Variants in PTPRG observed in about 807,000 individuals in gnomAD.
The protein encoded by PTPRG is protein tyrosine phosphatase receptor type G.
Under a neutral mutation model 165.3 loss-of-function variants are expected in PTPRG, and 102 were observed. The observed-to-expected ratio is 0.62, with a 90% CI of 0.53 to 0.73. PTPRG has a LOEUF of 0.73. Among genes scored for constraint, PTPRG ranks in the 30% least tolerant of loss-of-function variants. The pLI is 0.00. For synonymous variants in PTPRG, 675 were observed against 669.5 expected (o/e 1.01, Z -0.13); for missense variants, 1,866 against 1,861.4 (o/e 1.00, Z -0.05).
At chr3:61,950,221 C>A (rs1362739330) in intron 2 of PTPRG, among the ~76,000 whole-genome samples, 2 of 152,288 alleles carry the variant, frequency 1.3e-5, no homozygotes, top group East Asian at 3.9e-4. Context: ...TGTCTTTCCT[C>A]ACATTCTTTT....
intron 14 of PTPRG, among the ~76,000 whole-genome samples, chr3:62,236,073 G>C (rs1314263751): frequency 6.6e-6 from 1 of 152,220 alleles, no homozygotes; most frequent in Non-Finnish European, 1.5e-5. Flanking sequence ...CCTTCCGGAA[G>C]AGATACTACA....
At chr3:62,028,364 G>A (rs894998802) in intron 4 of PTPRG, among the ~76,000 whole-genome samples, 17 of 152,104 alleles carry the variant, frequency 1.1e-4, no homozygotes, top group Admixed American at 1.0e-3. Flanking sequence ...TTCTAGGAGA[G>A]GAGTGATTCT....
chr3:61,949,505 A>C (rs2039844767), intron 2 of PTPRG, among the ~76,000 whole-genome samples: 1 of 152,158 alleles, frequency 6.6e-6, no homozygotes, highest in South Asian at 2.1e-4. Context: ...TATGTGCCAC[A>C]TGCCTCAATG....
chr3:61,925,058 A>G (rs2039173903), intron 2 of PTPRG, among the ~76,000 whole-genome samples: 2 of 147,618 alleles, frequency 1.4e-5, no homozygotes, highest in Non-Finnish European at 3.0e-5. Context: ...CCTAGCCTCC[A>G]GAACTGTGAG....
chr3:62,026,008 G>A (rs2041795612), intron 4 of PTPRG, among the ~76,000 whole-genome samples: 1 of 152,186 alleles, frequency 6.6e-6, no homozygotes, highest in African/African-American at 2.4e-5. Flanking sequence ...TAAAGGGTAT[G>A]TTATTAAAGA....
chr3:62,270,585 A>G (rs2148871769), intron 20 of PTPRG, among the ~76,000 whole-genome samples: 1 of 152,284 alleles, frequency 6.6e-6, no homozygotes, highest in South Asian at 2.1e-4. Context: ...TGTTTTACAT[A>G]CTAATAGGAA....
chr3:62,040,546 A>G (rs1022638441), intron 4 of PTPRG, among the ~76,000 whole-genome samples: 7 of 152,146 alleles, frequency 4.6e-5, no homozygotes, highest in African/African-American at 1.7e-4. Flanking sequence ...CTCCACCTCC[A>G]GGGTTCAAGC....
intron 1 of PTPRG, among the ~76,000 whole-genome samples, chr3:61,665,775 C>T (rs1159226416): frequency 2.0e-5 from 3 of 152,090 alleles, no homozygotes; most frequent in Non-Finnish European, 4.4e-5. Flanking sequence ...TTGCAGTGAA[C>T]TATGGTCATG....
intron 2 of PTPRG, among the ~76,000 whole-genome samples, chr3:61,931,131 A>G (rs542586930): frequency 5.9e-5 from 9 of 152,116 alleles, no homozygotes; most frequent in Admixed American, 3.3e-4. Flanking sequence ...AGCCTCCCCA[A>G]CCTGATCTTC....
At chr3:61,917,608 A>G (rs180901324) in intron 2 of PTPRG, among the ~76,000 whole-genome samples, 1 of 152,136 alleles carries the variant, frequency 6.6e-6, no homozygotes, top group African/African-American at 2.4e-5. Context: ...CTAACAATGG[A>G]CATTTAATTA....
At chr3:61,775,463 T>C (rs2034348568) in intron 2 of PTPRG, among the ~76,000 whole-genome samples, 1 of 152,162 alleles carries the variant, frequency 6.6e-6, no homozygotes, top group Admixed American at 6.5e-5. Flanking sequence ...TTCCTGAATA[T>C]GGGCAGATGT....
At chr3:62,148,757 G>A (rs1160819276) in intron 6 of PTPRG, among the ~76,000 whole-genome samples, 5 of 151,604 alleles carry the variant, frequency 3.3e-5, no homozygotes, top group African/African-American at 7.3e-5. Context: ...GCGAGACTCC[G>A]TCTCCACAAA....
intron 2 of PTPRG, among the ~76,000 whole-genome samples, chr3:61,761,586 GAAACAAAC>G (rs58659958): frequency 3.7e-4 from 56 of 151,134 alleles, no homozygotes; most frequent in Non-Finnish European, 5.5e-4. Flanking sequence ...TCAAAACAAA[GAAACAAAC>G]AAACAAACAA....
At chr3:62,109,580 C>G (rs1279110764) in intron 5 of PTPRG, among the ~76,000 whole-genome samples, 1 of 152,032 alleles carries the variant, frequency 6.6e-6, no homozygotes, top group Non-Finnish European at 1.5e-5. Context: ...CCACATTCCT[C>G]CTTTAATAGC....
At chr3:61,632,294 G>A (rs1351592750) in intron 1 of PTPRG, among the ~76,000 whole-genome samples, 1 of 147,422 alleles carries the variant, frequency 6.8e-6, no homozygotes, top group Non-Finnish European at 1.5e-5. Context: ...GGGTGACAGA[G>A]TGAGACCCTG....
chr3:61,597,861 CTT>C (rs1700742967), intron 1 of PTPRG, among the ~76,000 whole-genome samples: 1 of 152,154 alleles, frequency 6.6e-6, no homozygotes. Context: ...AATTTATCCT[CTT>C]AAAGCATTTT....
intron 2 of PTPRG, among the ~76,000 whole-genome samples, chr3:61,948,469 A>C (rs2039818923): frequency 6.6e-6 from 1 of 152,166 alleles, no homozygotes; most frequent in Admixed American, 6.6e-5. Context: ...CAAACACCTC[A>C]AATTTCTTTC....
rs768502585 is a variant in PTPRG, at chr3:62,273,678, C to T, written c.3319-20C>T. 6.2e-6 allele frequency: 10 copies of T among 1,611,900 alleles called. No homozygotes were observed. Among genetic ancestry groups the T allele is most frequent in the Non-Finnish European group, 8.5e-6 (10 of 1,178,202 alleles). On this transcript the variant is annotated intron_variant, in intron 22 of 29. Coordinates refer to ENST00000474889, the MANE Select transcript of PTPRG (RefSeq NM_002841.4). The surrounding 1 kb of genome is among the most constrained non-coding windows in gnomAD (Gnocchi z 4.1). ...ACCCTTAACACTCCCTCAGTGACTA[C>T]CATGTATTGTACCTCTTAGGAGCAG... is the stretch of plus-strand genomic sequence containing the variant.
intron 2 of PTPRG, among the ~76,000 whole-genome samples, chr3:61,823,009 T>G (rs1402915140): frequency 1.3e-5 from 2 of 152,178 alleles, no homozygotes; most frequent in East Asian, 3.9e-4. Context: ...GGGGCCAACA[T>G]CCCTTTGATA....
Sources: allele counts gnomAD v4.1 joint callset (sites outside exome capture counted in the v4.1 genomes callset), GRCh38; gene constraint gnomAD v4.1.1; non-coding constraint Gnocchi (gnomAD v3.1); transcripts MANE v1.5; gene names NCBI Gene and HGNC (gene_info 2026-07-23, HGNC 2026-07-21).